Variants in SNX7 observed in about 807,000 individuals in gnomAD.
SNX7 encodes the protein sorting nexin 7.
Under a neutral mutation model 48.4 loss-of-function variants are expected in SNX7, and 35 were observed. The ratio of observed to expected loss-of-function variants is 0.72; its 90% CI spans 0.55 to 0.96. The LOEUF is 0.96. Among genes scored for constraint, SNX7 ranks in the 40% least tolerant of loss-of-function variants. The probability of loss-of-function intolerance (pLI) is 0.00; values close to 1 mark genes in which losing one functional copy is unlikely to be tolerated. For synonymous variants in SNX7, 190 were observed against 190.2 expected, an observed-to-expected ratio of 1.00 and a Z score of 0.01; for missense variants, 553 against 548.9, an observed-to-expected ratio of 1.01 and a Z score of -0.07.
At chr1:98,758,319 G>T (rs890082151) in intron 8 of SNX7, among the ~76,000 whole-genome samples, 2 of 151,866 alleles carry the variant, frequency 1.3e-5, no homozygotes, top group Non-Finnish European at 2.9e-5. Context: ...CTCCTGTACC[G>T]TCTAAGAGGA....
chr1:98,743,752 G>A (rs1334488296), intron 8 of SNX7, among the ~76,000 whole-genome samples: 1 of 152,052 alleles, frequency 6.6e-6, no homozygotes, highest in Non-Finnish European at 1.5e-5. Flanking sequence ...GGAAAATGGT[G>A]AAATAAATTC....
intron 6 of SNX7, 25 bp downstream of exon 6, chr1:98,698,930 A>G: frequency 6.2e-7 from 1 of 1,606,856 alleles, no homozygotes; most frequent in Non-Finnish European, 8.5e-7. Flanking sequence ...TTCTAATTTT[A>G]CCTCAGTCCC....
chr1:98,746,450 A>G (rs1298049398), intron 8 of SNX7, among the ~76,000 whole-genome samples: 1 of 152,078 alleles, frequency 6.6e-6, no homozygotes, highest in Non-Finnish European at 1.5e-5. Context: ...TTTCTAAGAA[A>G]TTCTTAGGAA....
At chr1:98,675,323 TAGTC>T (rs1462668027) in intron 1 of SNX7, among the ~76,000 whole-genome samples, 1 of 152,184 alleles carries the variant, frequency 6.6e-6, no homozygotes, top group Non-Finnish European at 1.5e-5. Context: ...ACACTTTAGA[TAGTC>T]AGTTTTATTG....
At chr1:98,691,984 G>T (rs1651167774) in intron 4 of SNX7, among the ~76,000 whole-genome samples, 1 of 134,830 alleles carries the variant, frequency 7.4e-6, no homozygotes, top group South Asian at 2.4e-4. Flanking sequence ...TTTATGTCAG[G>T]GTGCTTCTTG....
At chr1:98,716,701 G>T (rs972963454) in intron 7 of SNX7, among the ~76,000 whole-genome samples, 1 of 152,034 alleles carries the variant, frequency 6.6e-6, no homozygotes, top group Non-Finnish European at 1.5e-5. Flanking sequence ...ACTCCCTGAT[G>T]TATCATAAAT....
At chr1:98,756,329 G>A (rs1654843395) in intron 8 of SNX7, among the ~76,000 whole-genome samples, 1 of 149,976 alleles carries the variant, frequency 6.7e-6, no homozygotes, top group South Asian at 2.1e-4. Flanking sequence ...TAAATAATAG[G>A]AAAAGTATGT....
intron 7 of SNX7, among the ~76,000 whole-genome samples, chr1:98,712,517 T>C: frequency 6.6e-6 from 1 of 152,154 alleles, no homozygotes; most frequent in Admixed American, 6.5e-5. Flanking sequence ...TCCTGAGCAG[T>C]AGATCTCAAG....
chr1:98,691,967 T>TCTCTCTCTC, intron 4 of SNX7, among the ~76,000 whole-genome samples: 1 of 149,690 alleles, frequency 6.7e-6, no homozygotes, highest in Non-Finnish European at 1.5e-5. Context: ...TCTCTCTCTC[T>TCTCTCTCTC]AATGTTTTTA....
intron 8 of SNX7, among the ~76,000 whole-genome samples, chr1:98,746,764 G>A (rs977613808): frequency 6.6e-6 from 1 of 151,940 alleles, no homozygotes; most frequent in African/African-American, 2.4e-5. Context: ...ATGTATAGAT[G>A]AATATTCCCC....
chr1:98,720,875 T>G (rs1032278217), intron 7 of SNX7, among the ~76,000 whole-genome samples: 1 of 152,016 alleles, frequency 6.6e-6, no homozygotes, highest in Non-Finnish European at 1.5e-5. Context: ...CTCATGGAAG[T>G]TTTAGCTTTG....
upstream of SNX7, chr1:98,661,718 C>A: frequency 8.2e-7 from 1 of 1,216,490 alleles, no homozygotes; most frequent in Non-Finnish European, 1.0e-6. Context: ...GCCGGCTGGG[C>A]GCGCACTCTC....
At chr1:98,729,559 TA>T (rs1382712555) in intron 7 of SNX7, among the ~76,000 whole-genome samples, 1 of 148,598 alleles carries the variant, frequency 6.7e-6, no homozygotes, top group Non-Finnish European at 1.5e-5. Flanking sequence ...ATAGACACAA[TA>T]AAAAATGATG....
intron 8 of SNX7, among the ~76,000 whole-genome samples, chr1:98,750,330 A>G (rs1405785606): frequency 6.6e-6 from 1 of 152,026 alleles, no homozygotes; most frequent in Non-Finnish European, 1.5e-5. Flanking sequence ...GGCTTTGGAC[A>G]GGCATGACTT....
chr1:98,725,944 T>C (rs763224294), intron 7 of SNX7, among the ~76,000 whole-genome samples: 2 of 152,202 alleles, frequency 1.3e-5, no homozygotes, highest in Non-Finnish European at 2.9e-5. Flanking sequence ...GTCAGGGCTA[T>C]TGAGGAGCTT....
intron 7 of SNX7, among the ~76,000 whole-genome samples, chr1:98,719,881 T>G (rs952243263): frequency 6.7e-6 from 1 of 148,686 alleles, no homozygotes; most frequent in Admixed American, 6.8e-5. Context: ...AAAATATATA[T>G]TTTTAATGGT....
intron 1 of SNX7, among the ~76,000 whole-genome samples, chr1:98,674,481 C>G (rs1650052161): frequency 6.6e-6 from 1 of 152,142 alleles, no homozygotes; most frequent in African/African-American, 2.4e-5. Flanking sequence ...CACATTTACC[C>G]TTTTTATAGA....
chr1:98,743,978 T>G (rs939191965), intron 8 of SNX7, among the ~76,000 whole-genome samples: 1 of 152,062 alleles, frequency 6.6e-6, no homozygotes, highest in African/African-American at 2.4e-5. Flanking sequence ...TGTCAGAAAT[T>G]TCATTCTATT....
chr1:98,692,616 AACT>A (rs1370886771), intron 4 of SNX7, among the ~76,000 whole-genome samples: 1 of 152,182 alleles, frequency 6.6e-6, no homozygotes, highest in East Asian at 1.9e-4. Context: ...TGGAGAGATG[AACT>A]ACTCACATGG....
Sources: allele counts gnomAD v4.1 joint callset (sites outside exome capture counted in the v4.1 genomes callset), GRCh38; gene constraint gnomAD v4.1.1; transcripts MANE v1.5; gene names NCBI Gene and HGNC (gene_info 2026-07-23, HGNC 2026-07-21).